The following SCAP variants were observed in gnomAD, a reference collection of about 807,000 sequenced individuals.
SCAP encodes SREBF chaperone.
In SCAP, 65 loss-of-function variants were observed where a neutral mutation model predicts 123.6. The observed-to-expected ratio is 0.53, with a 90% confidence interval of 0.43 to 0.65. The LOEUF is 0.65. Among genes scored for constraint, SCAP ranks in the 30% least tolerant of loss-of-function variants. SCAP has a pLI of 0.00. For synonymous variants in SCAP, 740 were observed against 726.3 expected (o/e 1.02, Z -0.30); for missense variants, 1,398 against 1,712.5 (o/e 0.82, Z 3.24).
intron 1 of SCAP, among the ~76,000 whole-genome samples, chr3:47,443,463 C>A (rs4858894): frequency 0.023 from 3,533 of 151,942 alleles, 59 homozygotes; most frequent in Middle Eastern, 0.037. Flanking sequence ...TCTTCCCCCC[C>A]CTCCTCTATG....
chr3:47,472,427 C>T (rs994622021), intron 1 of SCAP, among the ~76,000 whole-genome samples: 9 of 144,970 alleles, frequency 6.2e-5, no homozygotes, highest in African/African-American at 2.3e-4. Flanking sequence ...GGCGACAGAG[C>T]GAGACTCCGT....
At position 47,419,548 on chromosome 3, in the gene SCAP, C is replaced by A; in HGVS notation, c.1720G>T (p.Asp574Tyr). 6.2e-7 allele frequency: 1 copy of A among 1,613,428 alleles called. No homozygotes were observed. The highest frequency in any genetic ancestry group is 8.5e-7 in the Non-Finnish European group (1 of 1,179,586). The stretch of plus-strand genomic sequence containing the variant: ...GGTGGGAAGATGGAGAAGGCAGGGT[C>A]CGGGTGGCTGGGGGGCAGCATGCCA... ...PSGMLPPSHP[D>Y]PAFSIFPPDA... Residue 574 changes from aspartate to tyrosine, a missense_variant, in exon 13 of 23, where the codon GAC becomes TAC. Transcript: ENST00000265565. This position sits in a 1 kb window ranked among gnomAD's most constrained non-coding sequence, Gnocchi z 5.0.
intron 1 of SCAP, among the ~76,000 whole-genome samples, chr3:47,466,865 C>T (rs1175218535): frequency 6.6e-6 from 1 of 152,092 alleles, no homozygotes; most frequent in African/African-American, 2.4e-5. Context: ...AAGCGGACTG[C>T]TTGAGCTCAG....
intron 1 of SCAP, among the ~76,000 whole-genome samples, chr3:47,475,170 T>C (rs1203607978): frequency 6.9e-6 from 1 of 144,126 alleles, no homozygotes; most frequent in Non-Finnish European, 1.5e-5. Flanking sequence ...TGCCCCCCCC[T>C]CCGCATTCCC....
chr3:47,472,181 C>T (rs1374872266), intron 1 of SCAP, among the ~76,000 whole-genome samples: 6 of 152,158 alleles, frequency 3.9e-5, no homozygotes, highest in East Asian at 1.9e-4. Context: ...CGCCTGTAAT[C>T]CCAGCACTTT....
chr3:47,445,045 T>G (rs1706975813), intron 1 of SCAP, among the ~76,000 whole-genome samples: 1 of 152,102 alleles, frequency 6.6e-6, no homozygotes, highest in Admixed American at 6.5e-5. Flanking sequence ...GTGCTGGGAT[T>G]ACAGGCATGA....
intron 1 of SCAP, among the ~76,000 whole-genome samples, chr3:47,457,593 G>A (rs1397019805): frequency 6.6e-6 from 1 of 152,158 alleles, no homozygotes; most frequent in Non-Finnish European, 1.5e-5. Flanking sequence ...TTGTCAAGCG[G>A]ACCAATGCTA....
chr3:47,437,307 C>T (rs546709611), intron 2 of SCAP, among the ~76,000 whole-genome samples: 29 of 149,406 alleles, frequency 1.9e-4, no homozygotes, highest in East Asian at 2.0e-4. Flanking sequence ...GGCGTGGTGG[C>T]GTATGCCTGT....
At chr3:47,434,216 G>C (rs537166284) in intron 3 of SCAP, among the ~76,000 whole-genome samples, 5 of 152,312 alleles carry the variant, frequency 3.3e-5, no homozygotes, top group Middle Eastern at 3.4e-3. Context: ...CAGAGAGAAG[G>C]GGGAGGAGAG....
chr3:47,473,085 A>AAAAAAAAAAAAAAAAACAAAAC (rs1473672454), intron 1 of SCAP, among the ~76,000 whole-genome samples: 5 of 144,508 alleles, frequency 3.5e-5, no homozygotes, highest in Middle Eastern at 3.5e-3. Context: ...CATCTCAAAA[A>AAAAAAAAAAAAAAAAACAAAAC]AAAAAAAAAA....
At chr3:47,446,162 T>G (rs1006722985) in intron 1 of SCAP, among the ~76,000 whole-genome samples, 1 of 149,860 alleles carries the variant, frequency 6.7e-6, no homozygotes, top group Non-Finnish European at 1.5e-5. Flanking sequence ...GCATGGCCAC[T>G]GCACCTGGCC....
chr3:47,420,582 C>T lies in SCAP; in HGVS notation c.1535G>A (p.Arg512His), dbSNP rs981916393. ...GATGAGGCGCTGTGCCAGGCGGGTG[C>T]GGGCCAGGAAGTAGACAACACGCAG... ...KRLRVVYFLA[R>H]TRLAQRLIMA... The change falls in exon 12 of 23, where the codon CGC (arginine) becomes CAC (histidine). Residue 512 changes from arginine (R) to histidine (H), a missense_variant. By Grantham distance (29) the Arg-to-His change is conservative. Transcript: ENST00000265565. The surrounding 1 kb of genome is among the most constrained non-coding windows in gnomAD (Gnocchi z 5.0). 7 of 1,607,510 alleles carry T rather than the reference C, an allele frequency of 4.4e-6. No individual in the cohort carries two copies. The highest frequency in any genetic ancestry group is 1.3e-5 in the African/African-American group (1 of 74,460).
In SCAP at chr3:47,416,300, G is replaced by A. The variant is rs147323144; in HGVS notation, c.3056+822C>T. Among the ~76,000 whole-genome samples, 599 of 152,360 alleles carry A rather than the reference G, an allele frequency of 3.9e-3. 5 individuals are homozygous for A. The highest frequency in any genetic ancestry group is 0.031 in the Middle Eastern group (9 of 294). ...AGGTGGCTGAGACTCCCCAAGGAGT[G>A]TGCATGCAGACGGAGTACTGGGGAC... is the stretch of plus-strand genomic sequence containing the variant. On this transcript the variant is annotated intron_variant, in intron 18 of 22. Transcript: ENST00000265565.
At chr3:47,421,220 G>A (rs879297800) in intron 10 of SCAP, 191 bp from the exon 11 acceptor site, 1 of 617,952 alleles carries the variant, frequency 1.6e-6, no homozygotes, top group South Asian at 1.9e-5. Flanking sequence ...CCACCAGGGG[G>A]CAGAAGAAAC....
intron 1 of SCAP, among the ~76,000 whole-genome samples, chr3:47,450,993 T>C (rs1707212629): frequency 8.3e-6 from 1 of 119,908 alleles, no homozygotes; most frequent in Non-Finnish European, 1.8e-5. Flanking sequence ...ATTACAGGCA[T>C]GTGCCACCAT....
chr3:47,468,085 T>G (rs946874017), intron 1 of SCAP, among the ~76,000 whole-genome samples: 3 of 152,174 alleles, frequency 2.0e-5, no homozygotes, highest in Non-Finnish European at 4.4e-5. Flanking sequence ...TTCCATGGTG[T>G]ATATGTGCCA....
In SCAP at chr3:47,422,112, C is replaced by T. The variant is rs187362275; in HGVS notation, c.1245+330G>A. Reference sequence around the variant, plus strand: ...GTGTGACAAACTGCACAGCCAGTCCCCAGCTCCTGCCATGCCCTTGCAGCC... The same window carrying T: ...GTGTGACAAACTGCACAGCCAGTCCTCAGCTCCTGCCATGCCCTTGCAGCC... On this transcript the variant is annotated intron_variant, in intron 10 of 22. Coordinates refer to ENST00000265565, the MANE Select transcript of SCAP (RefSeq NM_012235.4). 5.2e-5 allele frequency among the ~76,000 whole-genome samples: 8 copies of T among 152,398 alleles called. No individual in the cohort carries two copies. The East Asian group carries it at 1.5e-3, about 29-fold the overall frequency.
chr3:47,417,061 G>A (rs1705612832), intron 18 of SCAP, 61 bp downstream of exon 18: 3 of 1,462,880 alleles, frequency 2.1e-6, no homozygotes, highest in East Asian at 2.3e-5. Context: ...CAAGACTCAA[G>A]AGAGTATGGC....
chr3:47,463,328 C>A (rs1183438113), intron 1 of SCAP, among the ~76,000 whole-genome samples: 2 of 152,202 alleles, frequency 1.3e-5, no homozygotes, highest in Admixed American at 6.5e-5. Context: ...AGCAGGAATG[C>A]CTCTATTCAT....
Sources: gnomAD v4.1 joint callset for allele counts (sites outside exome capture counted in the v4.1 genomes callset) on GRCh38, gnomAD v4.1.1 for gene constraint, Gnocchi (gnomAD v3.1) non-coding constraint, MANE v1.5 for transcripts, NCBI Gene and HGNC (gene_info 2026-07-23, HGNC 2026-07-21) for gene names.